The following SPOCD1 variants were observed in gnomAD, a reference collection of about 807,000 sequenced individuals.
SPOCD1 encodes SPOC domain-containing protein 1.
In SPOCD1, 64 loss-of-function variants were observed where a neutral mutation model predicts 92.2. That is an observed-to-expected ratio of 0.69 (90% confidence interval 0.57 to 0.86). The LOEUF is 0.86. Ranked by LOEUF, SPOCD1 falls within the 40% of genes least tolerant of loss-of-function variation. SPOCD1 has a pLI of 0.00. For synonymous variants in SPOCD1, 578 were observed against 619.3 expected, an observed-to-expected ratio of 0.93 and a Z score of 0.99; for missense variants, 1,360 against 1,543.1, an observed-to-expected ratio of 0.88 and a Z score of 1.99.
At position 31,798,233 on chromosome 1, in the gene SPOCD1, G is replaced by T; in HGVS notation, c.2119C>A (p.Arg707Ser). The T allele has an allele frequency of 1.2e-6, 2 of 1,614,048 alleles. No homozygotes were observed. The highest frequency in any genetic ancestry group is 1.7e-6 in the Non-Finnish European group (2 of 1,180,006). The change falls in exon 9 of 16, where the codon CGC becomes AGC. Residue 707 changes from arginine (R) to serine (S), a missense_variant. Physicochemically the swap from Arg to Ser is moderately radical, Grantham distance 110 (BLOSUM62 -1). Coordinates refer to ENST00000360482, the MANE Select transcript of SPOCD1 (RefSeq NM_144569.7). The surrounding 1 kb of genome is among the most constrained non-coding windows in gnomAD (Gnocchi z 4.1). ...CTTTTCTCCTCCTGGTCCCGCCAGC[G>T]GGCCAGCTCCTGGGGGGCCAGCTGC... Reference protein sequence around the residue: ...SMQLAPQELARWRDQEEKRGL... With the variant: ...SMQLAPQELASWRDQEEKRGL...
chr1:31,805,165 T>C (rs1423059567), intron 2 of SPOCD1, among the ~76,000 whole-genome samples: 1 of 151,732 alleles, frequency 6.6e-6, no homozygotes, highest in Non-Finnish European at 1.5e-5. Flanking sequence ...CTTGTATTTT[T>C]AGTAGAGACA....
chr1:31,792,549 C>T, intron 14 of SPOCD1, 129 bp downstream of exon 14: 1 of 1,140,280 alleles, frequency 8.8e-7, no homozygotes, highest in Non-Finnish European at 1.3e-6. Flanking sequence ...TCCAGGGTCA[C>T]ACAGTGAGTC....
At chr1:31,805,614 GC>G (rs1159749476) in intron 2 of SPOCD1, among the ~76,000 whole-genome samples, 1 of 151,876 alleles carries the variant, frequency 6.6e-6, no homozygotes, top group Non-Finnish European at 1.5e-5. Flanking sequence ...CGTAGTCCCA[GC>G]TACTTGGGAG....
chr1:31,815,299 G>A lies in SPOCD1; in HGVS notation c.35C>T (p.Thr12Ile), dbSNP rs746157919. The A allele has an allele frequency of 6.4e-7, 1 of 1,568,000 alleles. No individual in the cohort carries two copies. Among genetic ancestry groups the A allele is most frequent in the African/African-American group, 1.4e-5 (1 of 73,552 alleles). The change falls in exon 2 of 16, where the codon ACA becomes ATA. Residue 12 changes from threonine to isoleucine, a missense_variant. By Grantham distance (89) the Thr-to-Ile change is moderately conservative. Transcript: ENST00000360482. ...TTGGGGACTGAGCACAGGGTCTCCTGTGCTGGGGCCTTCTACGTCCCCCGC... is the reference window on the plus strand; with the variant it reads ...TTGGGGACTGAGCACAGGGTCTCCTATGCTGGGGCCTTCTACGTCCCCCGC... ...SQAGDVEGPS[T>I]GDPVLSPQHN...
At chr1:31,807,403 GGGGAGGGGAGGGAGGGGGAGGGAAGAGAA>G (rs1648898621) in intron 2 of SPOCD1, among the ~76,000 whole-genome samples, 1 of 2,524 alleles carries the variant, frequency 4.0e-4, no homozygotes, top group African/African-American at 1.2e-3. Flanking sequence ...GGGGAGGGGA[GGGGAGGGGAGGGAGGGGGAGGGAAGAGAA>G]GGGGAGGGAA....
chr1:31,803,848 A>G, intron 2 of SPOCD1, among the ~76,000 whole-genome samples: 1 of 151,792 alleles, frequency 6.6e-6, no homozygotes, highest in Non-Finnish European at 1.5e-5. Flanking sequence ...GAAAGAAAGA[A>G]GAAAGAAAGG....
Position 31,792,018 on chromosome 1 carries a change from T to G in SPOCD1, c.2962+197A>C, listed in dbSNP as rs188891074. 266 of 629,758 alleles carry G rather than the reference T, an allele frequency of 4.2e-4. No individual in the cohort carries two copies. In the African/African-American group the frequency reaches 4.5e-3, roughly 11 times the overall value. 39.0% of individuals were successfully genotyped at this position (629,758 alleles called of 1,614,324 possible). On this transcript the variant is annotated intron_variant, in intron 15 of 15. Coordinates refer to ENST00000360482, the MANE Select transcript of SPOCD1 (RefSeq NM_144569.7). ...CTACAAGAATTCATCTAGGTAAAGC[T>G]TTTAGAACAATGGCTGGCATGCAGT...
Position 31,798,735 on chromosome 1 carries a change from AC to A in SPOCD1, c.1869-135del. 1.1e-6 allele frequency: 1 copy of A among 919,538 alleles called. No homozygotes were observed. The highest frequency in any genetic ancestry group is 1.7e-5 in the South Asian group (1 of 59,900). The allele number at this position is 919,538 out of a possible 1,614,324, so 57.0% of individuals were successfully genotyped here. ...CTGTCGTGGGTGTTTCCCTGCAGGA[AC>A]CTACTTATTCTCACCCCAACTCCGT... On this transcript the variant is annotated intron_variant, in intron 7 of 15. Transcript: ENST00000360482. The surrounding 1 kb of genome is among the most constrained non-coding windows in gnomAD (Gnocchi z 4.1).
At chr1:31,804,402 C>CA (rs1287400197) in intron 2 of SPOCD1, among the ~76,000 whole-genome samples, 1 of 152,176 alleles carries the variant, frequency 6.6e-6, no homozygotes, top group Non-Finnish European at 1.5e-5. Context: ...TCCCATTCAC[C>CA]AAAATACCTT....
At chr1:31,802,105 T>G (rs1570177314) in intron 2 of SPOCD1, among the ~76,000 whole-genome samples, 1 of 152,038 alleles carries the variant, frequency 6.6e-6, no homozygotes, top group Non-Finnish European at 1.5e-5. Context: ...GAGGCGGAGG[T>G]TGCAGTGAGC....
intron 1 of SPOCD1, 77 bp from the exon 2 acceptor site, chr1:31,815,449 G>A (rs772072527): frequency 3.5e-5 from 38 of 1,088,244 alleles, no homozygotes; most frequent in Non-Finnish European, 4.4e-5. Flanking sequence ...ACTGGGAGGA[G>A]CCCCTCTTCC....
At chr1:31,795,390 G>A (rs917799530) in intron 10 of SPOCD1, 53 of 152,284 alleles carry the variant, frequency 3.5e-4, no homozygotes, top group African/African-American at 1.2e-3. Flanking sequence ...AATGGGCAGG[G>A]AATAGCACCA....
Position 31,815,984 on chromosome 1 carries a change from C to G in SPOCD1, c.-63G>C, listed in dbSNP as rs1189581595. On this transcript the variant is annotated 5_prime_UTR_variant, in exon 1 of 16. Coordinates refer to ENST00000360482, the MANE Select transcript of SPOCD1 (RefSeq NM_144569.7). ...ACCTGGGCTTCCCTGAGTTTTCCCT[C>G]CTGGGGTTCCACCCACTAGCTGAAA... The G allele has an allele frequency of 6.6e-6, 1 of 152,382 alleles. No homozygotes were observed. The highest frequency in any genetic ancestry group is 1.5e-5 in the Non-Finnish European group (1 of 68,158). 9.4% of individuals were successfully genotyped at this position (152,382 alleles called of 1,614,324 possible).
At position 31,799,419 on chromosome 1, in the gene SPOCD1, T is replaced by G; in HGVS notation, c.1850A>C (p.Gln617Pro). ...GVRGTVVRSM[Q>P]EVLWTRLREL... is the part of the protein sequence containing the mutation. ...GCCTCACCGAGTCCATAGTACCTCC[T>G]GCATGGAACGGACAACAGTGCCCCG... The change falls in exon 7 of 16, where the codon CAG (glutamine) becomes CCG (proline). Residue 617 changes from glutamine to proline, a missense_variant. Gln to Pro is a moderately conservative substitution (Grantham distance 76). Coordinates refer to ENST00000360482, the MANE Select transcript of SPOCD1 (RefSeq NM_144569.7). 1 of 1,610,762 alleles carries G rather than the reference T, an allele frequency of 6.2e-7. No homozygotes were observed. The highest frequency in any genetic ancestry group is 1.1e-5 in the South Asian group (1 of 90,190).
At chr1:31,797,021 A>C (rs1244905350) in intron 9 of SPOCD1, among the ~76,000 whole-genome samples, 2 of 152,174 alleles carry the variant, frequency 1.3e-5, no homozygotes, top group Non-Finnish European at 2.9e-5. Context: ...GGTGTTGCTG[A>C]AAGAGTGCAG....
At position 31,800,487 on chromosome 1, in the gene SPOCD1, A is replaced by G. The variant is rs776510906; in HGVS notation, c.1556T>C (p.Leu519Pro). The stretch of plus-strand genomic sequence containing the variant: ...CACCATGGGCCTTTTCTTCCTTCTG[A>G]GCCTCTGGGCAGGTGAGGGTGAGCT... Reference protein sequence around the residue: ...EVSSPSPAQRLRRKKRPMVQG... With the variant: ...EVSSPSPAQRPRRKKRPMVQG... Residue 519 changes from leucine to proline, a missense_variant, in exon 4 of 16, where the codon CTC becomes CCC. Transcript: ENST00000360482. 1.2e-5 allele frequency: 20 copies of G among 1,611,386 alleles called. No individual in the cohort carries two copies. The East Asian group carries it at 4.5e-4, about 36-fold the overall frequency.
At chr1:31,791,738 G>C (rs2149094165) in intron 15 of SPOCD1, among the ~76,000 whole-genome samples, 1 of 152,218 alleles carries the variant, frequency 6.6e-6, no homozygotes, top group South Asian at 2.1e-4. Context: ...CCTGCTGCCT[G>C]GGTCAAATGT....
In SPOCD1 at chr1:31,815,008, G is replaced by A. The variant is rs1356605721; in HGVS notation, c.326C>T (p.Thr109Ile). The change falls in exon 2 of 16, where the codon ACT becomes ATT. Residue 109 changes from threonine to isoleucine, a missense_variant. Coordinates refer to ENST00000360482, the MANE Select transcript of SPOCD1 (RefSeq NM_144569.7). ...CTTGGAGGTCAGAGCTCTCCCCTGA[G>A]TAGGCACCGAGGGCAGCTGCATGTG... ...GLHMQLPSVP[T>I]QGRALTSKRL... 3.7e-6 allele frequency: 6 copies of A among 1,613,810 alleles called. No individual in the cohort carries two copies. The African/African-American group carries it at 6.7e-5, about 18-fold the overall frequency.
rs982571126 is a variant in SPOCD1, at chr1:31,798,168, T to G, written c.2145+39A>C. On this transcript the variant is annotated intron_variant, in intron 9 of 15. Coordinates refer to ENST00000360482, the MANE Select transcript of SPOCD1 (RefSeq NM_144569.7). The surrounding 1 kb of genome is among the most constrained non-coding windows in gnomAD (Gnocchi z 4.1). ...ACTCTCAGGCCACCCACTCTGCCCC[T>G]ACATCCCCTCACCCATCCCGACTGG... 2 of 1,510,226 alleles carry G rather than the reference T, an allele frequency of 1.3e-6. No homozygotes were observed. Among genetic ancestry groups the G allele is most frequent in the African/African-American group, 1.4e-5 (1 of 73,074 alleles). The allele number at this position is 1,510,226 out of a possible 1,614,324, so 93.6% of individuals were successfully genotyped here.
Sources: allele counts gnomAD v4.1 joint callset (sites outside exome capture counted in the v4.1 genomes callset), GRCh38; gene constraint gnomAD v4.1.1; non-coding constraint Gnocchi (gnomAD v3.1); transcripts MANE v1.5; gene names NCBI Gene and HGNC (gene_info 2026-07-23, HGNC 2026-07-21).